The following R3HDM1 variants were observed in gnomAD, a reference collection of about 807,000 sequenced individuals.
R3HDM1 encodes the protein R3H domain-containing protein 1.
In R3HDM1, 46 loss-of-function variants were observed where a neutral mutation model predicts 141.1. That is an observed-to-expected ratio of 0.33 (90% CI 0.26 to 0.42). The LOEUF is 0.42. R3HDM1 is among the 10% of genes least tolerant of loss of function. R3HDM1 has a pLI of 1.00. For synonymous variants in R3HDM1, 435 were observed against 472.9 expected, an observed-to-expected ratio of 0.92 and a Z score of 1.04; for missense variants, 1,184 against 1,368.3, an observed-to-expected ratio of 0.87 and a Z score of 2.12.
At chr2:135,566,377 T>C (rs975804509) in intron 1 of R3HDM1, among the ~76,000 whole-genome samples, 3 of 152,184 alleles carry the variant, frequency 2.0e-5, no homozygotes, top group African/African-American at 7.2e-5. Context: ...AGCGTCTTTA[T>C]GTGAAAAGGG....
At chr2:135,549,851 T>C in intron 1 of R3HDM1, 1 of 534,410 alleles carries the variant, frequency 1.9e-6, no homozygotes, top group Non-Finnish European at 2.4e-6. Flanking sequence ...TAAATACTAC[T>C]GAATTGTACC....
At chr2:135,622,408 T>C (rs2061598317) in intron 6 of R3HDM1, 1 of 984,272 alleles carries the variant, frequency 1.0e-6, no homozygotes, top group South Asian at 4.7e-5. Context: ...CAGACACATG[T>C]GAGAGGTTAA....
At chr2:135,581,958 A>G (rs1202241379) in intron 1 of R3HDM1, among the ~76,000 whole-genome samples, 2 of 152,194 alleles carry the variant, frequency 1.3e-5, no homozygotes, top group African/African-American at 4.8e-5. Context: ...TTTTCCTCAG[A>G]ATTTTAAGGA....
intron 1 of R3HDM1, among the ~76,000 whole-genome samples, chr2:135,575,287 A>G (rs1705140847): frequency 6.6e-6 from 1 of 152,158 alleles, no homozygotes; most frequent in Non-Finnish European, 1.5e-5. Context: ...GGTTCAAGCA[A>G]TTCTTCTGCC....
intron 1 of R3HDM1, among the ~76,000 whole-genome samples, chr2:135,541,261 C>T (rs1227318955): frequency 2.6e-5 from 4 of 152,032 alleles, no homozygotes; most frequent in Admixed American, 6.6e-5. Context: ...AGTGCAGTAG[C>T]GCAATCTCGG....
At chr2:135,551,893 G>A (rs1699908656) in intron 1 of R3HDM1, among the ~76,000 whole-genome samples, 1 of 152,120 alleles carries the variant, frequency 6.6e-6, no homozygotes, top group African/African-American at 2.4e-5. Flanking sequence ...GAAGGCAAAT[G>A]TTTATTTTAA....
At chr2:135,568,576 C>A (rs1703330770) in intron 1 of R3HDM1, among the ~76,000 whole-genome samples, 1 of 152,036 alleles carries the variant, frequency 6.6e-6, no homozygotes, top group African/African-American at 2.4e-5. Flanking sequence ...TCTCGAACTC[C>A]TGACCTCAGG....
At chr2:135,626,402 T>C (rs2062059545) in intron 7 of R3HDM1, among the ~76,000 whole-genome samples, 2 of 152,162 alleles carry the variant, frequency 1.3e-5, no homozygotes, top group African/African-American at 4.8e-5. Context: ...TTAGAAATTG[T>C]TGGCTATTTT....
intron 21 of R3HDM1, among the ~76,000 whole-genome samples, chr2:135,699,681 G>A (rs923162644): frequency 6.6e-6 from 1 of 152,122 alleles, no homozygotes; most frequent in African/African-American, 2.4e-5. Context: ...GCTATATTAA[G>A]ACTAATATTC....
At chr2:135,669,386 A>C in intron 19 of R3HDM1, 2 of 985,096 alleles carry the variant, frequency 2.0e-6, no homozygotes, top group Non-Finnish European at 2.4e-6. Context: ...TATACTCACC[A>C]ATAAATCTTT....
chr2:135,708,231 T>C (rs1005633168), intron 21 of R3HDM1, among the ~76,000 whole-genome samples: 1 of 152,360 alleles, frequency 6.6e-6, no homozygotes, highest in African/African-American at 2.4e-5. Context: ...TCTTAAAATA[T>C]TGAGGTTAAT....
intron 15 of R3HDM1, among the ~76,000 whole-genome samples, chr2:135,644,849 A>G (rs892419762): frequency 5.9e-5 from 9 of 152,302 alleles, no homozygotes; most frequent in African/African-American, 2.2e-4. Context: ...TGGGAGGTCA[A>G]GGCGGACGGA....
intron 1 of R3HDM1, among the ~76,000 whole-genome samples, chr2:135,565,077 C>T (rs998175061): frequency 3.3e-5 from 5 of 151,992 alleles, no homozygotes; most frequent in African/African-American, 1.2e-4. Context: ...CTAGTGTGTA[C>T]AGTTTTTCAG....
intron 1 of R3HDM1, among the ~76,000 whole-genome samples, chr2:135,579,349 G>C (rs1706223739): frequency 6.6e-6 from 1 of 152,132 alleles, no homozygotes. Flanking sequence ...CATTTAGGTA[G>C]ATAAGATAGA....
chr2:135,583,929 T>C, intron 1 of R3HDM1: 1 of 985,448 alleles, frequency 1.0e-6, no homozygotes. Flanking sequence ...ATAACCACAG[T>C]TAAACCCTGT....
rs2064289988 is a variant in R3HDM1 at position 135,645,432 on chromosome 2, A to G, written c.1528A>G (p.Thr510Ala). ...GSPVVYNPPMTQQPVRSQVPG... is the reference protein window; with the variant it reads ...GSPVVYNPPMAQQPVRSQVPG... ...TCCAGTTGTGTATAATCCTCCTATGACTCAACAACCAGTTAGATCCCAAGT... is the reference window on the plus strand; with the variant it reads ...TCCAGTTGTGTATAATCCTCCTATGGCTCAACAACCAGTTAGATCCCAAGT... The change falls in exon 16 of 27, where the codon ACT (threonine) becomes GCT (alanine). Residue 510 changes from threonine (T) to alanine (A), a missense_variant. Thr to Ala is a moderately conservative substitution (Grantham distance 58). Transcript: ENST00000683871. The G allele has an allele frequency of 6.2e-7, 1 of 1,612,844 alleles. No individual in the cohort carries two copies.
intron 19 of R3HDM1, among the ~76,000 whole-genome samples, chr2:135,665,143 C>T (rs536040793): frequency 1.6e-4 from 24 of 152,276 alleles, no homozygotes; most frequent in African/African-American, 5.8e-4. Context: ...GATTACTTAC[C>T]AGTTTCACTA....
Position 135,651,712 on chromosome 2 carries a change from G to C in R3HDM1, c.1726-18G>C, listed in dbSNP as rs1044500122. ...ATGTGTAGAAGGCTTACTAATTTTT[G>C]ACTTCTTCCTTTTTTAGCAGGATAA... On this transcript the variant is annotated intron_variant, in intron 17 of 26. Coordinates refer to ENST00000683871, the MANE Select transcript of R3HDM1 (RefSeq NM_001378107.1). 15 of 1,580,716 alleles carry C rather than the reference G, an allele frequency of 9.5e-6. No individual in the cohort carries two copies. Among genetic ancestry groups the C allele is most frequent in the Non-Finnish European group, 1.2e-5 (14 of 1,160,672 alleles).
chr2:135,538,905 C>T (rs1010070953), intron 1 of R3HDM1, among the ~76,000 whole-genome samples: 33 of 151,396 alleles, frequency 2.2e-4, no homozygotes, highest in African/African-American at 8.1e-4. Flanking sequence ...TGAGCCACCA[C>T]GCCTGGCTTA....
Sources: gnomAD v4.1 joint callset for allele counts (sites outside exome capture counted in the v4.1 genomes callset) on GRCh38, gnomAD v4.1.1 for gene constraint, MANE v1.5 for transcripts, NCBI Gene and HGNC (gene_info 2026-07-23, HGNC 2026-07-21) for gene names.